Variants in DST observed in about 807,000 individuals in gnomAD.
DST encodes bullous pemphigoid antigen.
Under a neutral mutation model 875.2 loss-of-function variants are expected in DST, and 253 were observed. The ratio of observed to expected loss-of-function variants is 0.29; its 90% CI spans 0.26 to 0.32. The LOEUF is 0.32. DST is among the 10% of genes least tolerant of loss of function. The pLI is 1.00. For synonymous variants in DST, 3,124 were observed against 3,197.1 expected, an observed-to-expected ratio of 0.98 and a Z score of 0.77; for missense variants, 8,287 against 9,111.6, an observed-to-expected ratio of 0.91 and a Z score of 3.68.
intron 49 of DST, among the ~76,000 whole-genome samples, chr6:56,585,011 G>A (rs1284764888): frequency 5.3e-5 from 8 of 151,526 alleles, no homozygotes; most frequent in Middle Eastern, 3.2e-3. Flanking sequence ...TTTTATTGAG[G>A]ATTTTTGCAT....
At chr6:56,582,822 A>T (rs1371710465) in intron 49 of DST, among the ~76,000 whole-genome samples, 1 of 150,846 alleles carries the variant, frequency 6.6e-6, no homozygotes, top group Non-Finnish European at 1.5e-5. Flanking sequence ...TTCAATTCCC[A>T]CCTATGAGTG....
At chr6:56,736,799 T>C (rs1009409904) in intron 4 of DST, among the ~76,000 whole-genome samples, 7 of 152,308 alleles carry the variant, frequency 4.6e-5, no homozygotes, top group Admixed American at 1.3e-4. Context: ...GTTACTATTA[T>C]GAAAAAACAG....
At chr6:56,499,176 T>C (rs192533770) in intron 80 of DST, among the ~76,000 whole-genome samples, 62 of 152,206 alleles carry the variant, frequency 4.1e-4, no homozygotes, top group African/African-American at 1.3e-3. Flanking sequence ...GTGTTGGCAA[T>C]AGTAAAGAAA....
intron 103 of DST, among the ~76,000 whole-genome samples, chr6:56,459,618 A>G (rs1048938857): frequency 8.5e-5 from 13 of 152,232 alleles, no homozygotes; most frequent in Admixed American, 5.2e-4. Flanking sequence ...TGATGCAAAC[A>G]TAGAACAAAC....
intron 4 of DST, among the ~76,000 whole-genome samples, chr6:56,838,345 C>T (rs1488675791): frequency 6.6e-6 from 1 of 152,160 alleles, no homozygotes; most frequent in African/African-American, 2.4e-5. Flanking sequence ...CATGAAGATG[C>T]TTTGGTCAAA....
intron 69 of DST, among the ~76,000 whole-genome samples, chr6:56,524,964 T>C (rs1405867847): frequency 6.6e-6 from 1 of 152,110 alleles, no homozygotes; most frequent in Non-Finnish European, 1.5e-5. Context: ...CCGGAAGACT[T>C]ACACTGACTT....
chr6:56,805,693 A>G (rs2099752246), intron 4 of DST, among the ~76,000 whole-genome samples: 1 of 152,208 alleles, frequency 6.6e-6, no homozygotes, highest in South Asian at 2.1e-4. Flanking sequence ...ACTTAAATTA[A>G]TCCTCAAAAC....
chr6:56,646,441 G>A (rs2098943195), intron 13 of DST, among the ~76,000 whole-genome samples: 2 of 152,160 alleles, frequency 1.3e-5, no homozygotes, highest in South Asian at 2.1e-4. Flanking sequence ...AAACCATTCA[G>A]TGTTTACTAG....
At chr6:56,590,998 T>C (rs2098263078) in intron 49 of DST, among the ~76,000 whole-genome samples, 1 of 152,250 alleles carries the variant, frequency 6.6e-6, no homozygotes, top group Non-Finnish European at 1.5e-5. Flanking sequence ...GTAAATAATA[T>C]GCAATTAACT....
chr6:56,619,323 T>C, intron 36 of DST: 3 of 1,612,774 alleles, frequency 1.9e-6, no homozygotes, highest in Non-Finnish European at 2.5e-6. Context: ...TGTTTTAGCA[T>C]CTCTGCACAC....
rs187407366 is a variant in DST at position 56,588,940 on chromosome 6, T to C, written c.12903+3242A>G. Among the ~76,000 whole-genome samples the C allele has an allele frequency of 5.0e-3, 762 of 152,128 alleles. 7 individuals are homozygous for C. Among genetic ancestry groups the C allele is most frequent in the African/African-American group, 0.018 (735 of 41,490 alleles). ...TAATTACGGGAAGTGTAAAAAAAAA[T>C]CCCTCAAGACATGAACTTTTTACCT... On this transcript the variant is annotated intron_variant, in intron 49 of 103. Coordinates refer to ENST00000680361, the MANE Select transcript of DST (RefSeq NM_001374736.1).
At position 56,620,077 on chromosome 6, in the gene DST, T is replaced by G. The variant is rs543767625; in HGVS notation, c.4929+4453A>C. On this transcript the variant is annotated intron_variant, in intron 36 of 103. Coordinates refer to ENST00000680361, the MANE Select transcript of DST (RefSeq NM_001374736.1). ...ACTGAATTTCAGTTATTTTTCTTCT[T>G]GCTTCCAATTCAATTTTCTGCTTTT... 74 of 1,613,740 alleles carry G rather than the reference T, an allele frequency of 4.6e-5. No individual in the cohort carries two copies. The East Asian group carries it at 1.6e-3, about 35-fold the overall frequency.
chr6:56,872,822 TC>T lies in DST; in HGVS notation c.418-21219del, dbSNP rs1554220749. Among the ~76,000 whole-genome samples, 990 of 99,564 alleles carry T rather than the reference TC, an allele frequency of 9.9e-3. 10 individuals carry two copies. Among genetic ancestry groups the T allele is most frequent in the Non-Finnish European group, 0.014 (653 of 46,842 alleles). 65.3% of individuals were successfully genotyped at this position (99,564 alleles called of 152,430 possible). On this transcript the variant is annotated intron_variant, in intron 3 of 103. Transcript: ENST00000680361. ...TGCAGAATCTCTTCAATACACTGAT[TC>T]CCCCCCCCCTTTTTTTTTTTTTCGG...
intron 73 of DST, among the ~76,000 whole-genome samples, chr6:56,510,408 A>T (rs1012027100): frequency 6.6e-6 from 1 of 152,020 alleles, no homozygotes; most frequent in African/African-American, 2.4e-5. Flanking sequence ...GAAAAATGTT[A>T]AAAAAAATTT....
intron 4 of DST, among the ~76,000 whole-genome samples, chr6:56,818,020 A>G (rs927018014): frequency 6.6e-6 from 1 of 152,208 alleles, no homozygotes; most frequent in African/African-American, 2.4e-5. Flanking sequence ...GAAGTGACAT[A>G]GCCATGAGCC....
chr6:56,862,722 A>T (rs2127594603), intron 3 of DST, among the ~76,000 whole-genome samples: 1 of 152,316 alleles, frequency 6.6e-6, no homozygotes, highest in South Asian at 2.1e-4. Flanking sequence ...CCTGAACTAA[A>T]TCATTGAAAT....
At chr6:56,877,762 G>C (rs1212358281) in intron 3 of DST, among the ~76,000 whole-genome samples, 1 of 152,210 alleles carries the variant, frequency 6.6e-6, no homozygotes, top group African/African-American at 2.4e-5. Flanking sequence ...AAAGGAAAGT[G>C]TTGGAACAGT....
At chr6:56,795,990 A>C (rs576586136) in intron 4 of DST, among the ~76,000 whole-genome samples, 65 of 152,338 alleles carry the variant, frequency 4.3e-4, no homozygotes, top group African/African-American at 1.6e-3. Context: ...GTTGTAATCA[A>C]GTCTTGAGAC....
chr6:56,883,175 C>A (rs1783030310), intron 3 of DST, among the ~76,000 whole-genome samples: 1 of 152,116 alleles, frequency 6.6e-6, no homozygotes, highest in Non-Finnish European at 1.5e-5. Flanking sequence ...GCCCATGTTG[C>A]CTTTAAGGTC....
Sources: allele counts gnomAD v4.1 joint callset (sites outside exome capture counted in the v4.1 genomes callset), GRCh38; gene constraint gnomAD v4.1.1; transcripts MANE v1.5; gene names NCBI Gene and HGNC (gene_info 2026-07-23, HGNC 2026-07-21).